Variants in HIVEP3 observed in about 807,000 individuals in gnomAD.
HIVEP3 encodes transcription factor HIVEP3.
A neutral mutation model predicts 152.8 loss-of-function variants in HIVEP3; 49 were observed. That is an observed-to-expected ratio of 0.32 (90% CI 0.26 to 0.41). The LOEUF (loss-of-function observed/expected upper bound fraction) is 0.41. Ranked by LOEUF, HIVEP3 falls within the 10% of genes least tolerant of loss-of-function variation. The pLI, the probability that HIVEP3 is intolerant of heterozygous loss-of-function variation, is 1.00. For missense variants in HIVEP3, 2,790 were observed against 3,103.3 expected (o/e 0.90, Z 2.40); for synonymous variants, 1,269 against 1,289.0 (o/e 0.98, Z 0.33).
At chr1:41,628,504 G>A (rs1645149155) in intron 3 of HIVEP3, among the ~76,000 whole-genome samples, 1 of 152,182 alleles carries the variant, frequency 6.6e-6, no homozygotes, top group Non-Finnish European at 1.5e-5. Context: ...CTGGGAGGGG[G>A]CGGACTGCAT....
At chr1:41,575,422 G>A in intron 5 of HIVEP3, 122 bp downstream of exon 5, 1 of 996,310 alleles carries the variant, frequency 1.0e-6, no homozygotes, top group Non-Finnish European at 1.5e-6. Context: ...AGGCATCGCT[G>A]GGACCACAGG....
intron 1 of HIVEP3, among the ~76,000 whole-genome samples, chr1:41,824,810 GAGAGAGAGAA>G (rs1167118298): frequency 0.065 from 715 of 11,046 alleles, 33 homozygotes; most frequent in African/African-American, 0.097. Context: ...GAGAGAGAGA[GAGAGAGAGAA>G]AGAGAGAGAG....
chr1:41,961,967 A>G (rs1645172075), intron 1 of HIVEP3, among the ~76,000 whole-genome samples: 1 of 152,284 alleles, frequency 6.6e-6, no homozygotes, highest in Admixed American at 6.5e-5. Flanking sequence ...GACAATGGAT[A>G]GATAGAAAAT....
At chr1:41,577,205 A>G (rs1287157004) in intron 4 of HIVEP3, among the ~76,000 whole-genome samples, 1 of 152,150 alleles carries the variant, frequency 6.6e-6, no homozygotes, top group Non-Finnish European at 1.5e-5. Context: ...TTTGATGACA[A>G]CAATATGAAT....
chr1:42,031,268 C>T (rs956178095), intron 1 of HIVEP3, among the ~76,000 whole-genome samples: 2 of 152,208 alleles, frequency 1.3e-5, no homozygotes, highest in Admixed American at 6.5e-5. Flanking sequence ...GCTGAACAAC[C>T]CAGTTATTGA....
chr1:41,527,073 C>T (rs1395651346), intron 5 of HIVEP3, among the ~76,000 whole-genome samples: 3 of 131,334 alleles, frequency 2.3e-5, no homozygotes, highest in Admixed American at 7.4e-5. Context: ...CTCACATGCT[C>T]ATCCTCACAC....
At chr1:41,961,518 G>A (rs1277452756) in intron 1 of HIVEP3, among the ~76,000 whole-genome samples, 1 of 152,226 alleles carries the variant, frequency 6.6e-6, no homozygotes, top group African/African-American at 2.4e-5. Flanking sequence ...GCATGACACT[G>A]GTACAAGAAA....
chr1:41,570,687 G>A (rs61773673), intron 5 of HIVEP3, among the ~76,000 whole-genome samples: 2 of 152,302 alleles, frequency 1.3e-5, no homozygotes, highest in African/African-American at 2.4e-5. Flanking sequence ...ATGGACGAGC[G>A]AAGGATTGAC....
chr1:41,602,687 A>G (rs1644764974), intron 3 of HIVEP3, among the ~76,000 whole-genome samples: 1 of 151,766 alleles, frequency 6.6e-6, no homozygotes, highest in South Asian at 2.1e-4. Flanking sequence ...ACCAACTCTT[A>G]GTTTCATTGA....
chr1:41,581,913 G>C lies in HIVEP3; in HGVS notation c.2885C>G (p.Pro962Arg). ...DDHGKAEAPS[P>R]SSDMRPKPLG... is the part of the protein sequence containing the mutation. ...GGGTTTGGGGCGCATGTCAGATGAG[G>C]GACTGGGGGCCTCGGCTTTCCCATG... Residue 962 changes from proline (P) to arginine (R), a missense_variant, in exon 4 of 9, where the codon CCC (proline) becomes CGC (arginine). By Grantham distance (103) the Pro-to-Arg change is moderately radical. Transcript: ENST00000372583. The surrounding 1 kb of genome is among the most constrained non-coding windows in gnomAD (Gnocchi z 4.5). 6.2e-7 allele frequency: 1 copy of C among 1,614,146 alleles called. No homozygotes were observed. Among genetic ancestry groups the C allele is most frequent in the Non-Finnish European group, 8.5e-7 (1 of 1,180,018 alleles).
At chr1:41,853,253 G>A (rs776028646) in intron 1 of HIVEP3, among the ~76,000 whole-genome samples, 107 of 152,258 alleles carry the variant, frequency 7.0e-4, no homozygotes, top group Non-Finnish European at 8.8e-5. Flanking sequence ...GTTTCAGGGA[G>A]GTTCTATTAG....
intron 1 of HIVEP3, among the ~76,000 whole-genome samples, chr1:41,860,074 A>C (rs1466045743): frequency 6.6e-6 from 1 of 152,184 alleles, no homozygotes; most frequent in Non-Finnish European, 1.5e-5. Flanking sequence ...CCTCAAAGAA[A>C]AGATGGCTTG....
chr1:41,698,792 T>C (rs1388929013), intron 2 of HIVEP3, among the ~76,000 whole-genome samples: 1 of 152,132 alleles, frequency 6.6e-6, no homozygotes, highest in South Asian at 2.1e-4. Context: ...CCCCACTGAA[T>C]GTAGCTCCCT....
At chr1:41,989,245 A>G (rs1392897198) in intron 1 of HIVEP3, among the ~76,000 whole-genome samples, 1 of 152,220 alleles carries the variant, frequency 6.6e-6, no homozygotes, top group Non-Finnish European at 1.5e-5. Flanking sequence ...TGATAATTAT[A>G]TGTGTTAATG....
chr1:41,716,873 C>G (rs1243686362), intron 1 of HIVEP3, among the ~76,000 whole-genome samples: 2 of 152,236 alleles, frequency 1.3e-5, no homozygotes, highest in Non-Finnish European at 1.5e-5. Flanking sequence ...TTCCTCCTCT[C>G]TGTCACTCTC....
chr1:41,675,951 G>A (rs1409660578), intron 2 of HIVEP3, among the ~76,000 whole-genome samples: 15 of 135,316 alleles, frequency 1.1e-4, no homozygotes, highest in Admixed American at 9.8e-4. Context: ...CTTGGGGACC[G>A]GGGACAGGAC....
chr1:41,934,761 A>T (rs1425374133), intron 1 of HIVEP3, among the ~76,000 whole-genome samples: 2 of 152,178 alleles, frequency 1.3e-5, no homozygotes, highest in African/African-American at 2.4e-5. Flanking sequence ...ATAATGTACC[A>T]ATTTTTCAAA....
chr1:41,774,052 C>T (rs1020581109), intron 1 of HIVEP3, among the ~76,000 whole-genome samples: 1 of 152,176 alleles, frequency 6.6e-6, no homozygotes. Context: ...TGGCTTTGGA[C>T]TTGACCATAT....
intron 3 of HIVEP3, among the ~76,000 whole-genome samples, chr1:41,587,478 T>C (rs1377380853): frequency 6.6e-6 from 1 of 152,130 alleles, no homozygotes; most frequent in Admixed American, 6.5e-5. Context: ...CTAACAGTCA[T>C]CGAGGAACAA....
Sources: gnomAD v4.1 joint callset for allele counts (sites outside exome capture counted in the v4.1 genomes callset) on GRCh38, gnomAD v4.1.1 for gene constraint, Gnocchi (gnomAD v3.1) non-coding constraint, MANE v1.5 for transcripts, NCBI Gene and HGNC (gene_info 2026-07-23, HGNC 2026-07-21) for gene names.